The following NR5A2 variants were observed in gnomAD, a reference collection of about 807,000 sequenced individuals.
NR5A2 encodes the protein CYP7A promoter-binding factor.
A neutral mutation model predicts 62.7 loss-of-function variants in NR5A2; 26 were observed. The observed-to-expected ratio is 0.41, with a 90% confidence interval of 0.30 to 0.58. The LOEUF is 0.58. Among genes scored for constraint, NR5A2 ranks in the 20% least tolerant of loss-of-function variants. NR5A2 has a pLI of 0.22. For synonymous variants in NR5A2, 246 were observed against 241.7 expected, an observed-to-expected ratio of 1.02 and a Z score of -0.16; for missense variants, 541 against 669.1, an observed-to-expected ratio of 0.81 and a Z score of 2.11.
chr1:200,054,639 G>A (rs1171319274), intron 5 of NR5A2, among the ~76,000 whole-genome samples: 1 of 152,134 alleles, frequency 6.6e-6, no homozygotes, highest in African/African-American at 2.4e-5. Flanking sequence ...CAGGGAGTTT[G>A]TGCCAAAGGA....
chr1:200,145,458 T>C (rs888330083), intron 7 of NR5A2, among the ~76,000 whole-genome samples: 1 of 146,270 alleles, frequency 6.8e-6, no homozygotes, highest in Non-Finnish European at 1.5e-5. Flanking sequence ...TGGTAGGCCA[T>C]TGATAGAATT....
intron 3 of NR5A2, among the ~76,000 whole-genome samples, chr1:200,044,984 A>C (rs1202997469): frequency 1.3e-5 from 2 of 150,706 alleles, no homozygotes; most frequent in Non-Finnish European, 3.0e-5. Context: ...ATTTGTTAAA[A>C]AAAAAAAAAA....
intron 7 of NR5A2, among the ~76,000 whole-genome samples, chr1:200,122,146 C>A (rs1490218877): frequency 1.3e-5 from 2 of 152,070 alleles, no homozygotes; most frequent in Non-Finnish European, 2.9e-5. Context: ...GTTTACAATG[C>A]CAAGACTGGA....
intron 5 of NR5A2, among the ~76,000 whole-genome samples, chr1:200,052,648 C>T (rs1348581332): frequency 6.8e-6 from 1 of 147,612 alleles, no homozygotes; most frequent in Non-Finnish European, 1.5e-5. Context: ...TTCTCACTCT[C>T]TTTTTTTTTT....
At chr1:200,081,896 T>TAA (rs551227478) in intron 5 of NR5A2, among the ~76,000 whole-genome samples, 361 of 148,140 alleles carry the variant, frequency 2.4e-3, no homozygotes, top group African/African-American at 8.5e-3. Flanking sequence ...TTACCCATAT[T>TAA]AAAAAAAAAA....
At chr1:200,117,893 T>C (rs563360536) in intron 6 of NR5A2, among the ~76,000 whole-genome samples, 5 of 151,970 alleles carry the variant, frequency 3.3e-5, no homozygotes, top group Non-Finnish European at 7.4e-5. Flanking sequence ...TTTGTACTTT[T>C]AGTAGAGATG....
At chr1:200,150,060 G>A in intron 7 of NR5A2, among the ~76,000 whole-genome samples, 1 of 152,154 alleles carries the variant, frequency 6.6e-6, no homozygotes, top group Non-Finnish European at 1.5e-5. Flanking sequence ...ATGGATGGAT[G>A]GATGGATGGT....
intron 6 of NR5A2, 103 bp downstream of exon 6, chr1:200,111,424 G>T: frequency 2.4e-6 from 3 of 1,273,694 alleles, no homozygotes; most frequent in Non-Finnish European, 3.2e-6. Flanking sequence ...GCTTTGAAAG[G>T]GAGAGATTGG....
intron 7 of NR5A2, among the ~76,000 whole-genome samples, chr1:200,140,360 C>A (rs1667393273): frequency 6.6e-6 from 1 of 152,070 alleles, no homozygotes; most frequent in Non-Finnish European, 1.5e-5. Flanking sequence ...CACAGGCGAG[C>A]ACCACCACAC....
At chr1:200,119,650 G>A (rs890003990) in intron 6 of NR5A2, among the ~76,000 whole-genome samples, 17 of 151,362 alleles carry the variant, frequency 1.1e-4, no homozygotes, top group African/African-American at 2.4e-4. Context: ...TTTTTGAGAC[G>A]GAGTCTGGCT....
rs546917636 is a variant in NR5A2, at chr1:200,154,897, A to G, written c.1379-19066A>G. ...TGGCTGGAAGCTCTCTCAGAAGCTT[A>G]AAAAGATGCTTTTATTTTACCTACC... On this transcript the variant is annotated intron_variant, in intron 7 of 7. Coordinates refer to ENST00000367362, the MANE Select transcript of NR5A2 (RefSeq NM_205860.3). 3.3e-5 allele frequency among the ~76,000 whole-genome samples: 5 copies of G among 152,300 alleles called. No individual in the cohort carries two copies. In the South Asian group the frequency reaches 1.0e-3, roughly 32 times the overall value.
chr1:200,092,544 T>G (rs1016030146), intron 5 of NR5A2, among the ~76,000 whole-genome samples: 6 of 152,148 alleles, frequency 3.9e-5, no homozygotes. Context: ...GTGAACTGGT[T>G]AGCTCACGTG....
At chr1:200,067,795 C>A (rs1037799580) in intron 5 of NR5A2, among the ~76,000 whole-genome samples, 13 of 152,124 alleles carry the variant, frequency 8.5e-5, no homozygotes, top group African/African-American at 3.1e-4. Context: ...TAAAAACACA[C>A]AAAAAAGACT....
chr1:200,164,582 C>G (rs138547956), intron 7 of NR5A2, among the ~76,000 whole-genome samples: 1,597 of 144,546 alleles, frequency 0.011, 35 homozygotes, highest in African/African-American at 0.039. Context: ...GAGTCTTGCT[C>G]TGTTGTCCAG....
intron 7 of NR5A2, among the ~76,000 whole-genome samples, chr1:200,131,228 GTTGTGGAT>G (rs144732834): frequency 0.024 from 3,705 of 152,150 alleles, 164 homozygotes; most frequent in African/African-American, 0.085. Context: ...TATAATAGGT[GTTGTGGAT>G]TTTTTTTTTC....
At chr1:200,053,238 A>T (rs1292360715) in intron 5 of NR5A2, among the ~76,000 whole-genome samples, 1 of 152,156 alleles carries the variant, frequency 6.6e-6, no homozygotes, top group South Asian at 2.1e-4. Context: ...TTGTTTTTTT[A>T]ACACACTTGT....
intron 7 of NR5A2, among the ~76,000 whole-genome samples, chr1:200,133,421 C>G (rs6688544): frequency 0.45 from 68,302 of 150,734 alleles, 15,956 homozygotes; most frequent in Middle Eastern, 0.56. Context: ...TGCCTAATCC[C>G]TCAGCAGGAA....
chr1:200,044,980 TAA>T (rs3838446), intron 3 of NR5A2, among the ~76,000 whole-genome samples: 18 of 143,004 alleles, frequency 1.3e-4, no homozygotes, highest in African/African-American at 2.6e-4. Flanking sequence ...TGACATTTGT[TAA>T]AAAAAAAAAA....
intron 1 of NR5A2, 77 bp downstream of exon 1, chr1:200,027,988 T>A: frequency 9.2e-7 from 1 of 1,091,622 alleles, no homozygotes; most frequent in Non-Finnish European, 1.3e-6. Context: ...TTGATGGATT[T>A]TGCATTTTAA....
Sources: allele counts gnomAD v4.1 joint callset (sites outside exome capture counted in the v4.1 genomes callset), GRCh38; gene constraint gnomAD v4.1.1; transcripts MANE v1.5; gene names NCBI Gene and HGNC (gene_info 2026-07-23, HGNC 2026-07-21).